ADGRL3: variants seen among roughly 807,000 people sequenced by gnomAD.
ADGRL3 encodes calcium-independent alpha-latrotoxin receptor 3.
In ADGRL3, 62 loss-of-function variants were observed where a neutral mutation model predicts 153.5. The observed-to-expected ratio is 0.40, with a 90% confidence interval of 0.33 to 0.50. The LOEUF (loss-of-function observed/expected upper bound fraction) is 0.50, where lower values mean the gene tolerates loss of function less well. Ranked by LOEUF, ADGRL3 falls within the 20% of genes least tolerant of loss-of-function variation. ADGRL3 has a pLI of 0.47. For missense variants in ADGRL3, 1,641 were observed against 1,859.4 expected (o/e 0.88, Z 2.16); for synonymous variants, 710 against 672.5 (o/e 1.06, Z -0.86).
At chr4:61,657,229 G>A (rs763145100) in intron 5 of ADGRL3, among the ~76,000 whole-genome samples, 27 of 151,824 alleles carry the variant, frequency 1.8e-4, no homozygotes, top group Non-Finnish European at 3.8e-4. Context: ...TTAAGCTGAC[G>A]CAGGTATTGC....
At chr4:61,341,653 C>A (rs2095810864) in intron 1 of ADGRL3, among the ~76,000 whole-genome samples, 1 of 151,890 alleles carries the variant, frequency 6.6e-6, no homozygotes, top group Non-Finnish European at 1.5e-5. Flanking sequence ...CAAAATTTAT[C>A]TTAAATATCT....
intron 2 of ADGRL3, chr4:61,427,514 T>C (rs2097297280): frequency 6.5e-6 from 1 of 153,228 alleles, no homozygotes; most frequent in Admixed American, 6.5e-5. Context: ...CTGCTGACAC[T>C]GTTTACCTAA....
Position 61,392,026 on chromosome 4 carries a change from A to ATTTTTT in ADGRL3, c.-174+8848_-174+8853dup, listed in dbSNP as rs373905840. ...AGGCGCCTGCCACCACGACCGGCTA[A>ATTTTTT]TTTTTTTTTTTTTTTTGTATTTTTA... On this transcript the variant is annotated intron_variant, in intron 2 of 26. Coordinates refer to ENST00000683033, the MANE Select transcript of ADGRL3 (RefSeq NM_001387552.1). Among the ~76,000 whole-genome samples, 131 of 135,680 alleles carry ATTTTTT rather than the reference A, an allele frequency of 9.7e-4. 1 individual carries two copies. Among genetic ancestry groups the ATTTTTT allele is most frequent in the African/African-American group, 3.4e-3 (126 of 36,650 alleles). The allele number at this position is 135,680 out of a possible 152,430, so 89.0% of individuals were successfully genotyped here.
At chr4:61,932,463 T>C (rs535910856) in intron 13 of ADGRL3, among the ~76,000 whole-genome samples, 1 of 152,318 alleles carries the variant, frequency 6.6e-6, no homozygotes, top group East Asian at 1.9e-4. Flanking sequence ...TCTGTTAATG[T>C]GGTGTATCAC....
At chr4:61,259,733 C>T (rs1315612251) in intron 1 of ADGRL3, among the ~76,000 whole-genome samples, 1 of 152,046 alleles carries the variant, frequency 6.6e-6, no homozygotes, top group Non-Finnish European at 1.5e-5. Flanking sequence ...TTTTCTGTTA[C>T]CTTTTTTTTC....
intron 8 of ADGRL3, among the ~76,000 whole-genome samples, chr4:61,770,280 C>T (rs76827909): frequency 1.3e-5 from 2 of 152,218 alleles, no homozygotes; most frequent in East Asian, 3.9e-4. Context: ...AAGTTGTGGA[C>T]TAAATTTTGG....
chr4:62,023,551 T>C (rs1004440448), intron 21 of ADGRL3, among the ~76,000 whole-genome samples: 5 of 152,142 alleles, frequency 3.3e-5, no homozygotes, highest in African/African-American at 9.7e-5. Context: ...AGTTAATCGA[T>C]GTGGCAAACT....
chr4:61,687,021 G>A (rs1310567903), intron 6 of ADGRL3, among the ~76,000 whole-genome samples: 1 of 151,856 alleles, frequency 6.6e-6, no homozygotes, highest in African/African-American at 2.4e-5. Context: ...ATTAAAATTA[G>A]TAATTAGTAA....
chr4:61,895,678 A>G, intron 10 of ADGRL3, 53 bp from the exon 11 acceptor site: 1 of 883,288 alleles, frequency 1.1e-6, no homozygotes, highest in Non-Finnish European at 1.8e-6. Flanking sequence ...TATACCATGG[A>G]TGTGAAGTCA....
intron 13 of ADGRL3, among the ~76,000 whole-genome samples, chr4:61,917,335 A>AT (rs909655277): frequency 1.3e-5 from 2 of 152,244 alleles, no homozygotes; most frequent in East Asian, 1.9e-4. Flanking sequence ...CAGTACAACA[A>AT]TTTTTTTCAA....
chr4:61,413,073 G>C (rs1365051011), intron 2 of ADGRL3, among the ~76,000 whole-genome samples: 1 of 152,144 alleles, frequency 6.6e-6, no homozygotes, highest in African/African-American at 2.4e-5. Flanking sequence ...TTTTCTCACA[G>C]GAAGGTTAGT....
chr4:61,544,479 A>C (rs1035903661), intron 4 of ADGRL3, among the ~76,000 whole-genome samples: 2 of 152,144 alleles, frequency 1.3e-5, no homozygotes, highest in Non-Finnish European at 2.9e-5. Flanking sequence ...CCATTTTCAA[A>C]TGTGCAAATA....
chr4:61,242,659 G>A (rs1755484281), intron 1 of ADGRL3, among the ~76,000 whole-genome samples: 1 of 151,956 alleles, frequency 6.6e-6, no homozygotes, highest in African/African-American at 2.4e-5. Flanking sequence ...AGAATTAGCA[G>A]TGCAGAAAAC....
At chr4:61,239,872 T>C (rs1369720454) in intron 1 of ADGRL3, among the ~76,000 whole-genome samples, 2 of 152,070 alleles carry the variant, frequency 1.3e-5, no homozygotes, top group African/African-American at 4.8e-5. Context: ...TGAGAAAGAA[T>C]TGGCTATGAT....
intron 5 of ADGRL3, among the ~76,000 whole-genome samples, chr4:61,588,343 CT>C (rs1408990428): frequency 6.6e-6 from 1 of 151,890 alleles, no homozygotes; most frequent in Non-Finnish European, 1.5e-5. Context: ...AGGATTCTCT[CT>C]TTTGTACTTA....
chr4:61,460,946 T>G (rs1362716341), intron 2 of ADGRL3, among the ~76,000 whole-genome samples: 1 of 152,126 alleles, frequency 6.6e-6, no homozygotes, highest in Non-Finnish European at 1.5e-5. Flanking sequence ...GGCAGGCACC[T>G]GTAATCCCAG....
chr4:61,702,620 G>A (rs2095788308), intron 6 of ADGRL3, among the ~76,000 whole-genome samples: 1 of 151,956 alleles, frequency 6.6e-6, no homozygotes, highest in Admixed American at 6.6e-5. Context: ...TTCTGCAAGG[G>A]AATAATTAAT....
intron 9 of ADGRL3, among the ~76,000 whole-genome samples, chr4:61,819,832 A>G (rs2097730947): frequency 6.6e-6 from 1 of 152,026 alleles, no homozygotes; most frequent in South Asian, 2.1e-4. Context: ...TTGTGCTTTG[A>G]GTGTTTGAGA....
At chr4:61,517,077 T>G (rs1579292187) in intron 3 of ADGRL3, among the ~76,000 whole-genome samples, 3 of 82,666 alleles carry the variant, frequency 3.6e-5, no homozygotes. Flanking sequence ...TTAGGATGAG[T>G]TTTTTTTTTT....
Sources: allele counts gnomAD v4.1 joint callset (sites outside exome capture counted in the v4.1 genomes callset), GRCh38; gene constraint gnomAD v4.1.1; transcripts MANE v1.5; gene names NCBI Gene and HGNC (gene_info 2026-07-23, HGNC 2026-07-21).